Variants in NCAM2 observed in about 807,000 individuals in gnomAD.
NCAM2 encodes the protein N-CAM-2.
Under a neutral mutation model 98.1 loss-of-function variants are expected in NCAM2, and 30 were observed. The ratio of observed to expected loss-of-function variants is 0.31; its 90% CI spans 0.23 to 0.41. The LOEUF (loss-of-function observed/expected upper bound fraction) is 0.41. NCAM2 is among the 10% of genes least tolerant of loss of function. The pLI is 1.00. For missense variants in NCAM2, 867 were observed against 1,005.8 expected (o/e 0.86, Z 1.87); for synonymous variants, 368 against 342.4 (o/e 1.07, Z -0.83).
chr21:21,468,243 G>T (rs1177297237), intron 13 of NCAM2, among the ~76,000 whole-genome samples: 1 of 151,776 alleles, frequency 6.6e-6, no homozygotes, highest in African/African-American at 2.4e-5. Flanking sequence ...TTACTGGTAG[G>T]TATATATTCC....
At chr21:21,242,237 T>A (rs1001843785) in intron 1 of NCAM2, among the ~76,000 whole-genome samples, 55 of 33,892 alleles carry the variant, frequency 1.6e-3, no homozygotes, top group African/African-American at 4.9e-3. Flanking sequence ...TAATTGTATA[T>A]ATTTATGTGA....
chr21:21,394,063 T>G (rs2076442521), intron 9 of NCAM2, among the ~76,000 whole-genome samples: 1 of 152,212 alleles, frequency 6.6e-6, no homozygotes. Context: ...TAATAAAAAT[T>G]ACTCTTGTGA....
chr21:21,332,233 A>G (rs745412418), intron 6 of NCAM2, among the ~76,000 whole-genome samples: 1 of 152,104 alleles, frequency 6.6e-6, no homozygotes, highest in African/African-American at 2.4e-5. Flanking sequence ...GGTTCCAGAC[A>G]TTCAGAATTT....
In NCAM2 at chr21:21,514,409, G is replaced by A. The variant is rs1433225060; in HGVS notation, c.2282+5354G>A. 4.1e-5 allele frequency among the ~76,000 whole-genome samples: 6 copies of A among 147,896 alleles called. No homozygotes were observed. The East Asian group carries it at 1.2e-3, about 29-fold the overall frequency. ...GAGAATCACTTGAACCTCGGAAGTG[G>A]AAGTTGCAGTGAGCCATTGTACTCC... On this transcript the variant is annotated intron_variant, in intron 16 of 17. Transcript: ENST00000400546.
chr21:21,259,658 G>C (rs764565385), intron 1 of NCAM2, among the ~76,000 whole-genome samples: 3 of 152,054 alleles, frequency 2.0e-5, no homozygotes, highest in Non-Finnish European at 4.4e-5. Flanking sequence ...TCATGTGATA[G>C]GATTACTGAG....
At chr21:21,245,691 T>G (rs931153457) in intron 1 of NCAM2, among the ~76,000 whole-genome samples, 1 of 152,230 alleles carries the variant, frequency 6.6e-6, no homozygotes, top group Non-Finnish European at 1.5e-5. Flanking sequence ...GTTCATAAAC[T>G]GTTTGTTTCA....
rs140121666 is a variant in NCAM2 at position 21,352,031 on chromosome 21, C to T, written c.1044+13497C>T. On this transcript the variant is annotated intron_variant, in intron 8 of 17. Transcript: ENST00000400546. ...TCCTCAAATGCTGGGATTGCAGGCT[C>T]TCATCTGTTTTTGAATCAAAGTTGT... is the stretch of plus-strand genomic sequence containing the variant. Among the ~76,000 whole-genome samples, 1,453 of 151,786 alleles carry T rather than the reference C, an allele frequency of 9.6e-3. 24 individuals are homozygous for T. Among genetic ancestry groups the T allele is most frequent in the African/African-American group, 0.032 (1,344 of 41,392 alleles).
In NCAM2 at chr21:21,519,709, T is replaced by G. The variant is rs976523733; in HGVS notation, c.2282+10654T>G. On this transcript the variant is annotated intron_variant, in intron 16 of 17. Transcript: ENST00000400546. ...ATTTTTATATAAATTTCTTCTGCTT[T>G]GGAAAAACAGATTTCAGCTCTTTTC... Among the ~76,000 whole-genome samples, 24 of 152,240 alleles carry G rather than the reference T, an allele frequency of 1.6e-4. 1 individual carries two copies. Among genetic ancestry groups the G allele is most frequent in the Admixed American group, 1.5e-3 (23 of 15,288 alleles).
intron 1 of NCAM2, among the ~76,000 whole-genome samples, chr21:21,043,336 T>G (rs1188029797): frequency 6.6e-6 from 1 of 152,158 alleles, no homozygotes; most frequent in East Asian, 1.9e-4. Flanking sequence ...TTTAATCATA[T>G]GTAAAATAAG....
chr21:21,136,384 C>T (rs1331938232), intron 1 of NCAM2, among the ~76,000 whole-genome samples: 1 of 152,052 alleles, frequency 6.6e-6, no homozygotes, highest in Non-Finnish European at 1.5e-5. Context: ...CAAATGATAA[C>T]AGCATTGAAA....
At chr21:21,331,612 G>T (rs1269312228) in intron 6 of NCAM2, among the ~76,000 whole-genome samples, 1 of 31,810 alleles carries the variant, frequency 3.1e-5, no homozygotes, top group Non-Finnish European at 6.5e-5. Flanking sequence ...GTGAGAGAGA[G>T]AATCTCACTC....
intron 8 of NCAM2, among the ~76,000 whole-genome samples, chr21:21,343,697 A>AG (rs902705923): frequency 3.8e-4 from 58 of 152,338 alleles, no homozygotes; most frequent in African/African-American, 1.4e-3. Context: ...CCCTAGCCAG[A>AG]AAGGAATCAC....
chr21:21,351,741 C>CTGTTT (rs564372770), intron 8 of NCAM2, among the ~76,000 whole-genome samples: 409 of 151,930 alleles, frequency 2.7e-3, no homozygotes, highest in Non-Finnish European at 4.0e-3. Flanking sequence ...TTGTTTGTTT[C>CTGTTT]TGTTTTGTTT....
intron 1 of NCAM2, among the ~76,000 whole-genome samples, chr21:21,259,149 G>A (rs1477855685): frequency 1.3e-5 from 2 of 152,114 alleles, no homozygotes; most frequent in Non-Finnish European, 2.9e-5. Flanking sequence ...TGTGCAGCTT[G>A]GACTTACAAA....
At chr21:21,187,484 A>G (rs1356092720) in intron 1 of NCAM2, among the ~76,000 whole-genome samples, 1 of 152,142 alleles carries the variant, frequency 6.6e-6, no homozygotes, top group Admixed American at 6.6e-5. Context: ...ATTCTATGTC[A>G]TTCAGTTACA....
chr21:21,468,851 A>AATT, intron 14 of NCAM2, 68 bp downstream of exon 14: 1 of 1,413,030 alleles, frequency 7.1e-7, no homozygotes. Flanking sequence ...CACTGAATTT[A>AATT]TAAACATATC....
At chr21:21,206,232 T>A (rs2052974099) in intron 1 of NCAM2, among the ~76,000 whole-genome samples, 1 of 152,160 alleles carries the variant, frequency 6.6e-6, no homozygotes, top group Non-Finnish European at 1.5e-5. Context: ...CATATCACAG[T>A]TATAAATTCT....
intron 8 of NCAM2, among the ~76,000 whole-genome samples, chr21:21,361,995 A>G (rs2075658784): frequency 1.3e-5 from 2 of 152,208 alleles, no homozygotes; most frequent in African/African-American, 4.8e-5. Context: ...ATAGAAATTC[A>G]TATTTTTAGC....
chr21:21,501,087 A>G (rs951119556), intron 15 of NCAM2, among the ~76,000 whole-genome samples: 2 of 152,050 alleles, frequency 1.3e-5, no homozygotes, highest in African/African-American at 4.8e-5. Context: ...TGACTCTTTG[A>G]ACTACATTTT....
Sources: gnomAD v4.1 joint callset for allele counts (sites outside exome capture counted in the v4.1 genomes callset) on GRCh38, gnomAD v4.1.1 for gene constraint, MANE v1.5 for transcripts, NCBI Gene and HGNC (gene_info 2026-07-23, HGNC 2026-07-21) for gene names.